Variants in RAD51B observed in about 807,000 individuals in gnomAD.
The protein encoded by RAD51B is DNA repair protein RAD51 homolog 2.
In RAD51B, 38 loss-of-function variants were observed where a neutral mutation model predicts 42.2. The ratio of observed to expected loss-of-function variants is 0.90; its 90% CI spans 0.70 to 1.18. The LOEUF is 1.18. Among genes scored for constraint, RAD51B ranks in the 50% most tolerant of loss-of-function variants. RAD51B has a pLI of 0.00. For missense variants in RAD51B, 373 were observed against 400.7 expected (o/e 0.93, Z 0.59); for synonymous variants, 154 against 145.2 (o/e 1.06, Z -0.43).
intron 7 of RAD51B, among the ~76,000 whole-genome samples, chr14:68,235,471 G>A (rs2080229903): frequency 1.3e-5 from 2 of 151,804 alleles, no homozygotes; most frequent in African/African-American, 4.8e-5. Context: ...TTGGGAGGCC[G>A]AGGCGGGCGG....
At chr14:68,303,549 A>G (rs2081794207) in intron 8 of RAD51B, among the ~76,000 whole-genome samples, 1 of 152,102 alleles carries the variant, frequency 6.6e-6, no homozygotes, top group South Asian at 2.1e-4. Flanking sequence ...AGCCATTTAC[A>G]GGTTAGGGGG....
chr14:68,572,661 C>T (rs1242521100), intron 10 of RAD51B, among the ~76,000 whole-genome samples: 2 of 152,176 alleles, frequency 1.3e-5, no homozygotes, highest in Non-Finnish European at 2.9e-5. Context: ...AGACTATCCA[C>T]TCATCCCTGG....
chr14:67,958,762 C>T (rs1020582237), intron 7 of RAD51B, among the ~76,000 whole-genome samples: 1 of 152,160 alleles, frequency 6.6e-6, no homozygotes, highest in Non-Finnish European at 1.5e-5. Context: ...TTGTATCCTA[C>T]CTGTAAAATA....
intron 7 of RAD51B, among the ~76,000 whole-genome samples, chr14:68,045,780 G>A (rs547305274): frequency 9.2e-5 from 14 of 152,146 alleles, no homozygotes; most frequent in Non-Finnish European, 1.8e-4. Flanking sequence ...TGGCTATGGG[G>A]TAGTAGAAAA....
At chr14:68,247,277 A>ACC (rs1396849215) in intron 7 of RAD51B, among the ~76,000 whole-genome samples, 1 of 152,198 alleles carries the variant, frequency 6.6e-6, no homozygotes, top group African/African-American at 2.4e-5. Context: ...AATGTATGTA[A>ACC]CTTGTAGGAC....
rs1454988380 is a variant in RAD51B at position 67,819,830 on chromosome 14, T to G, written c.-26T>G. On this transcript the variant is annotated 5_prime_UTR_variant, in exon 1 of 11. Transcript: ENST00000471583. ...AAACTGTGTAAAGGGTGGGGAAACT[T>G]GAAAGTTGGATGCTGCAGACCCGGT... is the stretch of plus-strand genomic sequence containing the variant. 6.6e-6 allele frequency: 1 copy of G among 152,092 alleles called. No homozygotes were observed. The highest frequency in any genetic ancestry group is 2.4e-5 in the African/African-American group (1 of 41,380). The allele number at this position is 152,092 out of a possible 1,614,324, so 9.4% of individuals were successfully genotyped here.
intron 7 of RAD51B, among the ~76,000 whole-genome samples, chr14:68,067,477 CAA>C (rs79038337): frequency 9.8e-6 from 1 of 101,794 alleles, no homozygotes. Context: ...AAAAAAAAAA[CAA>C]AAAAAAAAAA....
chr14:67,927,971 T>G (rs775461651), intron 7 of RAD51B, among the ~76,000 whole-genome samples: 1 of 152,078 alleles, frequency 6.6e-6, no homozygotes, highest in East Asian at 1.9e-4. Flanking sequence ...TTTTTTTTGT[T>G]GTAGCTTTGT....
intron 10 of RAD51B, among the ~76,000 whole-genome samples, chr14:68,542,678 T>A (rs1410796342): frequency 1.3e-5 from 2 of 152,212 alleles, no homozygotes. Flanking sequence ...TGTAAGTCCA[T>A]GTTTTTTATT....
chr14:68,610,441 T>C (rs1891631801), intron 10 of RAD51B, among the ~76,000 whole-genome samples: 1 of 152,182 alleles, frequency 6.6e-6, no homozygotes, highest in Non-Finnish European at 1.5e-5. Flanking sequence ...GAGTGGCCTG[T>C]CTCCCTTTCA....
At chr14:67,910,110 C>T (rs1460735357) in intron 7 of RAD51B, among the ~76,000 whole-genome samples, 2 of 151,996 alleles carry the variant, frequency 1.3e-5, no homozygotes, top group African/African-American at 4.8e-5. Context: ...TTTTCTTCAA[C>T]ATTTTAGCCT....
Position 68,425,640 on chromosome 14 carries a change from G to C in RAD51B, c.957+14113G>C, listed in dbSNP as rs183250041. Among the ~76,000 whole-genome samples, 459 of 152,308 alleles carry C rather than the reference G, an allele frequency of 3.0e-3. 2 individuals are homozygous for C. The highest frequency in any genetic ancestry group is 0.01 in the African/African-American group (435 of 41,562). On this transcript the variant is annotated intron_variant, in intron 9 of 10. Coordinates refer to ENST00000471583, the MANE Select transcript of RAD51B (RefSeq NM_133510.4). ...ATTTCTGTTCATTGTAAATTATCTAGTCTGTGGTATTTGGTTATACCAGGA... is the reference window on the plus strand; with the variant it reads ...ATTTCTGTTCATTGTAAATTATCTACTCTGTGGTATTTGGTTATACCAGGA...
intron 7 of RAD51B, among the ~76,000 whole-genome samples, chr14:68,073,890 T>G (rs1204731400): frequency 6.6e-6 from 1 of 152,176 alleles, no homozygotes; most frequent in Non-Finnish European, 1.5e-5. Flanking sequence ...TGCTGAAAAG[T>G]CTACTGTTAG....
rs367940837 is a variant in RAD51B at position 68,679,258 on chromosome 14, T to TAAAC, written c.*11+28430_*11+28433dup. On this transcript the variant is annotated intron_variant, in intron 11 of 11. Coordinates refer to the RAD51B transcript ENST00000488612. Reference sequence around the variant, plus strand: ...CTTTATCCTCCCCATTTTGTAAGTTTAAACAAACAAACAAACAAACAAACA... The same window carrying TAAAC: ...CTTTATCCTCCCCATTTTGTAAGTTTAAACAAACAAACAAACAAACAAACAAACA... 1.8e-3 allele frequency among the ~76,000 whole-genome samples: 275 copies of TAAAC among 152,118 alleles called. 1 individual carries two copies. Among genetic ancestry groups the TAAAC allele is most frequent in the African/African-American group, 2.5e-3 (102 of 41,428 alleles).
chr14:68,061,634 GTATTT>G (rs910659188), intron 7 of RAD51B, among the ~76,000 whole-genome samples: 11 of 151,466 alleles, frequency 7.3e-5, no homozygotes, highest in African/African-American at 2.4e-4. Context: ...TTATTCCTAG[GTATTT>G]TATTTTATTT....
chr14:68,339,223 T>G (rs1225067018), intron 8 of RAD51B: 1 of 1,151,804 alleles, frequency 8.7e-7, no homozygotes, highest in Non-Finnish European at 1.3e-6. Context: ...GTCTCTGGCC[T>G]GTACTTGTGG....
chr14:68,424,373 T>C (rs1482429993), intron 9 of RAD51B, among the ~76,000 whole-genome samples: 1 of 152,218 alleles, frequency 6.6e-6, no homozygotes, highest in Non-Finnish European at 1.5e-5. Flanking sequence ...TACTATGTTT[T>C]GTTTTTGGTT....
chr14:68,334,367 G>T, intron 8 of RAD51B, among the ~76,000 whole-genome samples: 1 of 152,142 alleles, frequency 6.6e-6, no homozygotes, highest in East Asian at 1.9e-4. Context: ...ATAAGGAAGA[G>T]AAAACATATT....
intron 7 of RAD51B, among the ~76,000 whole-genome samples, chr14:67,924,240 C>A (rs1053258632): frequency 2.0e-5 from 3 of 152,074 alleles, no homozygotes; most frequent in African/African-American, 7.2e-5. Flanking sequence ...TAATTACGTC[C>A]CATCTATTTA....
Sources: allele counts gnomAD v4.1 joint callset (sites outside exome capture counted in the v4.1 genomes callset), GRCh38; gene constraint gnomAD v4.1.1; transcripts MANE v1.5; gene names NCBI Gene and HGNC (gene_info 2026-07-23, HGNC 2026-07-21).